Variants in OGFOD1 observed in about 807,000 individuals in gnomAD.
OGFOD1 encodes 2-oxoglutarate and iron dependent oxygenase domain containing 1.
In OGFOD1, 54 loss-of-function variants were observed where a neutral mutation model predicts 67.7. The observed-to-expected ratio is 0.80, with a 90% CI of 0.64 to 1.00. The LOEUF is 1.00. Among genes scored for constraint, OGFOD1 ranks in the 50% least tolerant of loss-of-function variants. The pLI is 0.00. For synonymous variants in OGFOD1, 221 were observed against 227.0 expected (o/e 0.97, Z 0.24); for missense variants, 606 against 646.7 (o/e 0.94, Z 0.68).
chr16:56,470,433 G>A (rs1293978830), intron 9 of OGFOD1, 54 bp from the exon 10 acceptor site: 2 of 1,475,168 alleles, frequency 1.4e-6, no homozygotes, highest in East Asian at 2.3e-5. Flanking sequence ...TTTATTCTGT[G>A]AGTCATTTTA....
At position 56,470,664 on chromosome 16, in the gene OGFOD1, T is replaced by C; in HGVS notation, c.1158T>C (p.Asp386=). ...MNDKKEAETT[D]ITEEGTSHSP... ...ATAAAAAAGAGGCAGAAACCACTGA[T>C]ATCACTGAAGAAGGGACTAGCCATA... Residue 386 remains aspartate (D), a synonymous_variant, in exon 10 of 13, where the codon GAT becomes GAC. Transcript: ENST00000566157. The C allele has an allele frequency of 6.2e-7, 1 of 1,614,168 alleles. No individual in the cohort carries two copies. The highest frequency in any genetic ancestry group is 1.1e-5 in the South Asian group (1 of 91,084).
rs1567559550 is a variant in OGFOD1 at position 56,476,719 on chromosome 16, A to ATAT, written c.*516_*518dup. On this transcript the variant is annotated 3_prime_UTR_variant, in exon 13 of 13. Coordinates refer to ENST00000566157, the MANE Select transcript of OGFOD1 (RefSeq NM_018233.4). Reference sequence around the variant, plus strand: ...GTCTCTATCATCAACTTCACTACTCATATTTCTCATGTAAGTGGAATCATA... The same window carrying ATAT: ...GTCTCTATCATCAACTTCACTACTCATATTATTTCTCATGTAAGTGGAATCATA... 1 of 152,518 alleles carries ATAT rather than the reference A, an allele frequency of 6.6e-6. No homozygotes were observed. Among genetic ancestry groups the ATAT allele is most frequent in the African/African-American group, 2.4e-5 (1 of 41,416 alleles). 9.4% of individuals were successfully genotyped at this position (152,518 alleles called of 1,614,324 possible).
chr16:56,459,762 T>G (rs190354349), intron 3 of OGFOD1, among the ~76,000 whole-genome samples: 33 of 152,374 alleles, frequency 2.2e-4, no homozygotes, highest in African/African-American at 7.5e-4. Flanking sequence ...ACCAATGGAT[T>G]CACATCACGT....
intron 7 of OGFOD1, among the ~76,000 whole-genome samples, 170 bp from the exon 8 acceptor site, chr16:56,467,735 T>C (rs1032659630): frequency 2.0e-5 from 3 of 152,124 alleles, no homozygotes; most frequent in African/African-American, 7.2e-5. Context: ...CCTACACTTT[T>C]CTTAAGTAAA....
At chr16:56,468,755 T>C (rs1489180353) in intron 8 of OGFOD1, among the ~76,000 whole-genome samples, 2 of 151,996 alleles carry the variant, frequency 1.3e-5, no homozygotes, top group African/African-American at 2.4e-5. Context: ...ATCAGAAAAC[T>C]TATTCTCATG....
At chr16:56,463,443 G>A (rs1230258543) in intron 4 of OGFOD1, among the ~76,000 whole-genome samples, 2 of 111,374 alleles carry the variant, frequency 1.8e-5, no homozygotes, top group African/African-American at 6.9e-5. Flanking sequence ...TTCGTTTTGA[G>A]ACGGAGTCTC....
At chr16:56,453,599 T>C (rs1471689371) in intron 2 of OGFOD1, 191 bp downstream of exon 2, 12 of 517,390 alleles carry the variant, frequency 2.3e-5, no homozygotes, top group Non-Finnish European at 4.1e-5. Context: ...GCTATAATTA[T>C]ATGGAAGCCT....
intron 4 of OGFOD1, among the ~76,000 whole-genome samples, chr16:56,463,106 T>C (rs1382259914): frequency 6.6e-5 from 10 of 152,202 alleles, no homozygotes; most frequent in African/African-American, 2.2e-4. Context: ...CTCCCTCTTC[T>C]CTTCAGAGGT....
At position 56,451,653 on chromosome 16, in the gene OGFOD1, T is replaced by TG; in HGVS notation, c.44dup (p.Lys20GlufsTer22). ...CCAGCGGAGCCCGGCCCAGCCCGGG[T>TG]GGGAAAAAAGGGAAAGAAGGAGGTG... On this transcript the variant is annotated frameshift_variant, in exon 1 of 13. Transcript: ENST00000566157. LOFTEE classifies it high-confidence loss of function. The TG allele has an allele frequency of 6.2e-7, 1 of 1,612,160 alleles. No homozygotes were observed.
chr16:56,459,998 A>G (rs1325876698), intron 3 of OGFOD1, among the ~76,000 whole-genome samples: 4 of 152,142 alleles, frequency 2.6e-5, no homozygotes, highest in Admixed American at 2.6e-4. Flanking sequence ...TATTCTCATT[A>G]TATTTTTTCT....
intron 7 of OGFOD1, among the ~76,000 whole-genome samples, chr16:56,467,672 C>G (rs866833162): frequency 1.3e-5 from 2 of 152,060 alleles, no homozygotes; most frequent in Non-Finnish European, 2.9e-5. Context: ...AATGATCCAC[C>G]CACCTTGGCC....
Position 56,451,717 on chromosome 16 carries a change from G to A in OGFOD1, c.105G>A (p.Leu35=). 2 of 1,613,910 alleles carry A rather than the reference G, an allele frequency of 1.2e-6. No homozygotes were observed. Among genetic ancestry groups the A allele is most frequent in the Non-Finnish European group, 8.5e-7 (1 of 1,179,992 alleles). ...EFSDAVTEET[L]KKQVAEAWSR... ...CGGACGCTGTTACGGAAGAAACCTT[G>A]AAAAAGCAGGTGGCTGAGGCCTGGA... Residue 35 remains leucine, a synonymous_variant, in exon 1 of 13, where the codon TTG becomes TTA. Coordinates refer to ENST00000566157, the MANE Select transcript of OGFOD1 (RefSeq NM_018233.4).
chr16:56,473,069 T>C (rs557258655), intron 10 of OGFOD1, among the ~76,000 whole-genome samples: 1 of 152,314 alleles, frequency 6.6e-6, no homozygotes, highest in South Asian at 2.1e-4. Flanking sequence ...TAGCTGGGAC[T>C]ACAGGCGCAT....
rs549472665 is a variant in OGFOD1, at chr16:56,457,767, G to A, written c.301-781G>A. 1.4e-4 allele frequency among the ~76,000 whole-genome samples: 22 copies of A among 151,838 alleles called. No individual in the cohort carries two copies. In the South Asian group the frequency reaches 2.1e-3, roughly 14 times the overall value. ...GAGATCTCAGCTCACTGCAACCTCC[G>A]CCTCCAGGTTAAAATGATTCTCCTG... On this transcript the variant is annotated intron_variant, in intron 2 of 12. Transcript: ENST00000566157.
At position 56,477,752 on chromosome 16, in the gene OGFOD1, G is replaced by C. The variant is rs1963544471; in HGVS notation, c.*1547G>C. ...TTTCTCTTTTTTACATTTATTTTTA[G>C]CTTTTGCAGTAGTGTTTAGTGTGGG... On this transcript the variant is annotated 3_prime_UTR_variant, in exon 13 of 13. Transcript: ENST00000566157. 1 of 151,976 alleles carries C rather than the reference G, an allele frequency of 6.6e-6. No homozygotes were observed. Among genetic ancestry groups the C allele is most frequent in the Non-Finnish European group, 1.5e-5 (1 of 68,008 alleles). The allele number at this position is 151,976 out of a possible 1,614,324, so 9.4% of individuals were successfully genotyped here.
At chr16:56,457,688 G>GTT (rs1208682430) in intron 2 of OGFOD1, among the ~76,000 whole-genome samples, 13 of 147,192 alleles carry the variant, frequency 8.8e-5, no homozygotes, top group Non-Finnish European at 1.7e-4. Context: ...CACCTATTAG[G>GTT]TTTTTTTTTT....
In OGFOD1 at chr16:56,475,542, A is replaced by T. The variant is rs1174686415; in HGVS notation, c.1444A>T (p.Ile482Phe). ...AGAATATGGCGGTTTTACTTCTTAC[A>T]TTGCCAAAGGTGAAGATGAAGAGGT... is the stretch of plus-strand genomic sequence containing the variant. Reference protein sequence around the residue: ...EPEYGGFTSYIAKGEDEELLT... With the variant: ...EPEYGGFTSYFAKGEDEELLT... The change falls in exon 12 of 13, where the codon ATT (isoleucine) becomes TTT (phenylalanine). Residue 482 changes from isoleucine to phenylalanine, a missense_variant. Ile to Phe is a conservative substitution (Grantham distance 21). Transcript: ENST00000566157. The T allele has an allele frequency of 2.5e-6, 4 of 1,613,910 alleles. No homozygotes were observed. Among genetic ancestry groups the T allele is most frequent in the Non-Finnish European group, 3.4e-6 (4 of 1,179,946 alleles).
chr16:56,475,468 TAGG>T, intron 11 of OGFOD1, 36 bp from the exon 12 acceptor site: 1 of 1,595,604 alleles, frequency 6.3e-7, no homozygotes, highest in Non-Finnish European at 8.6e-7. Flanking sequence ...ACTCTTTCAA[TAGG>T]AGCTTTCTGA....
chr16:56,464,289 T>C (rs1166895197), intron 4 of OGFOD1, among the ~76,000 whole-genome samples: 1 of 152,222 alleles, frequency 6.6e-6, no homozygotes, highest in African/African-American at 2.4e-5. Flanking sequence ...ATTAGTGATA[T>C]GAACTTGGAT....
Sources: gnomAD v4.1 joint callset for allele counts (sites outside exome capture counted in the v4.1 genomes callset) on GRCh38, gnomAD v4.1.1 for gene constraint, MANE v1.5 for transcripts, NCBI Gene and HGNC (gene_info 2026-07-23, HGNC 2026-07-21) for gene names.